STK17B: variants seen among roughly 807,000 people sequenced by gnomAD.
The protein encoded by STK17B is serine/threonine kinase 17b.
STK17B carries 21 observed loss-of-function variants against 42.0 expected under a neutral mutation model. The ratio of observed to expected loss-of-function variants is 0.50; its 90% CI spans 0.35 to 0.72. The LOEUF is 0.72. STK17B is among the 30% of genes least tolerant of loss of function. The pLI, the probability that STK17B is intolerant of heterozygous loss-of-function variation, is 0.00. For missense variants in STK17B, 349 were observed against 446.0 expected, an observed-to-expected ratio of 0.78 and a Z score of 1.96; for synonymous variants, 143 against 148.4, an observed-to-expected ratio of 0.96 and a Z score of 0.26.
rs1350489872 is a variant in STK17B at position 196,133,783 on chromosome 2, C to A, written c.*3664G>T. 2.0e-5 allele frequency: 3 copies of A among 152,100 alleles called. No individual in the cohort carries two copies. The highest frequency in any genetic ancestry group is 4.4e-5 in the Non-Finnish European group (3 of 68,022). The allele number at this position is 152,100 out of a possible 1,614,324, so 9.4% of individuals were successfully genotyped here. ...TGTAGATTTTTTTTACTGGAATACT[C>A]ATAATAATGTCTGTCTATATGCCTT... On this transcript the variant is annotated 3_prime_UTR_variant, in exon 8 of 8. Transcript: ENST00000263955.
intron 5 of STK17B, among the ~76,000 whole-genome samples, chr2:196,142,369 AT>A (rs957020712): frequency 6.6e-6 from 1 of 152,044 alleles, no homozygotes; most frequent in African/African-American, 2.4e-5. Context: ...GAAATGCTAG[AT>A]TTTCCAGTGA....
chr2:196,143,480 G>A, intron 5 of STK17B, 80 bp downstream of exon 5: 3 of 1,295,370 alleles, frequency 2.3e-6, no homozygotes, highest in South Asian at 1.7e-5. Flanking sequence ...CGAATTACAT[G>A]CTCTAAAATA....
intron 3 of STK17B, chr2:196,153,668 C>G (rs953957541): frequency 6.6e-6 from 1 of 151,958 alleles, no homozygotes; most frequent in Non-Finnish European, 1.5e-5. Flanking sequence ...AACAAGATGA[C>G]CCTGGAAATT....
chr2:196,137,796 T>G lies in STK17B; in HGVS notation c.837-67A>C, dbSNP rs1010765040. ...CAAGTTGAAAATGTCTTCAGTTTGA[T>G]AGATTATAGACATATTTTTTACTTC... On this transcript the variant is annotated intron_variant, in intron 7 of 7. Transcript: ENST00000263955. 2.0e-6 allele frequency: 3 copies of G among 1,514,066 alleles called. No individual in the cohort carries two copies. In the African/African-American group the frequency reaches 4.2e-5, roughly 21 times the overall value. 93.8% of individuals were successfully genotyped at this position (1,514,066 alleles called of 1,614,324 possible). A position where few individuals can be genotyped will look rare whatever the true frequency, so the allele number is the denominator to read the frequency against.
intron 3 of STK17B, among the ~76,000 whole-genome samples, chr2:196,149,741 A>C (rs1246651834): frequency 6.6e-6 from 1 of 152,214 alleles, no homozygotes; most frequent in East Asian, 1.9e-4. Flanking sequence ...AATAAGAATA[A>C]TTTTTAAATA....
upstream of STK17B, chr2:196,174,523 T>G (rs1414375861): frequency 6.6e-6 from 1 of 152,322 alleles, no homozygotes; most frequent in Non-Finnish European, 1.5e-5. Context: ...AAACAAGCTC[T>G]ACTACCTGTC....
At chr2:196,156,919 T>A (rs1699747443) in intron 2 of STK17B, among the ~76,000 whole-genome samples, 1 of 152,106 alleles carries the variant, frequency 6.6e-6, no homozygotes, top group African/African-American at 2.4e-5. Context: ...TGATACATTA[T>A]CTTGGGAGGC....
At chr2:196,155,564 A>T (rs1468873288) in intron 3 of STK17B, among the ~76,000 whole-genome samples, 1 of 151,974 alleles carries the variant, frequency 6.6e-6, no homozygotes, top group African/African-American at 2.4e-5. Context: ...TTAGCAATAC[A>T]TTTTTTACTA....
chr2:196,137,663 CAAGTTTTCA>C lies in STK17B; in HGVS notation c.894_902del (p.Phe298_Asn300del). The C allele has an allele frequency of 6.2e-7, 1 of 1,614,074 alleles. No homozygotes were observed. Among genetic ancestry groups the C allele is most frequent in the Non-Finnish European group, 8.5e-7 (1 of 1,179,980 alleles). On this transcript the variant is annotated inframe_deletion, in exon 8 of 8. Transcript: ENST00000263955. ...AACTGGAAGTTTCTTCAGGGTGAAA[CAAGTTTTCA>C]AAGTCCCACTGCTGTAGCCAAGAAT...
At chr2:196,159,477 AT>A (rs1279839937) in intron 2 of STK17B, among the ~76,000 whole-genome samples, 1 of 151,844 alleles carries the variant, frequency 6.6e-6, no homozygotes, top group Non-Finnish European at 1.5e-5. Context: ...CTCCTGGCTA[AT>A]TTTTTACATA....
At chr2:196,155,806 C>A (rs1255543432) in intron 3 of STK17B, among the ~76,000 whole-genome samples, 1 of 152,186 alleles carries the variant, frequency 6.6e-6, no homozygotes, top group East Asian at 1.9e-4. Flanking sequence ...CCTTAACAAT[C>A]CTCTACCCCT....
At chr2:196,141,352 A>G in intron 5 of STK17B, 55 bp from the exon 6 acceptor site, 2 of 1,379,434 alleles carry the variant, frequency 1.4e-6, no homozygotes, top group Non-Finnish European at 2.0e-6. Context: ...AAACAAGAAA[A>G]TCACTTTATA....
intron 3 of STK17B, chr2:196,154,875 C>T (rs1428603208): frequency 6.6e-6 from 1 of 152,178 alleles, no homozygotes; most frequent in Non-Finnish European, 1.5e-5. Context: ...AAATGTAATA[C>T]ATTAATCTAC....
At chr2:196,175,959 C>A (rs917232482), upstream of STK17B, among the ~76,000 whole-genome samples, 1 of 152,272 alleles carries the variant, frequency 6.6e-6, no homozygotes, top group Admixed American at 6.5e-5. Context: ...CACCTAAATT[C>A]GGTGGTACAT....
Position 196,135,978 on chromosome 2 carries a change from G to T in STK17B, c.*1469C>A, listed in dbSNP as rs1699398287. 6.6e-6 allele frequency: 1 copy of T among 151,928 alleles called. No homozygotes were observed. Among genetic ancestry groups the T allele is most frequent in the South Asian group, 2.1e-4 (1 of 4,820 alleles). The allele number at this position is 151,928 out of a possible 1,614,324, so 9.4% of individuals were successfully genotyped here. On this transcript the variant is annotated 3_prime_UTR_variant, in exon 8 of 8. Coordinates refer to ENST00000263955, the MANE Select transcript of STK17B (RefSeq NM_004226.4). ...CTTAACAAATGCTGAAGACATTAAAGGAATTCACCATGTGGTCAAATAAAG... is the reference window on the plus strand; with the variant it reads ...CTTAACAAATGCTGAAGACATTAAATGAATTCACCATGTGGTCAAATAAAG...
chr2:196,163,537 T>A, intron 1 of STK17B, 110 bp from the exon 2 acceptor site: 1 of 813,560 alleles, frequency 1.2e-6, no homozygotes, highest in Non-Finnish European at 1.7e-6. Flanking sequence ...AAAAAAAGAT[T>A]TAAAGAGCAC....
intron 6 of STK17B, among the ~76,000 whole-genome samples, chr2:196,140,329 T>A (rs1218318595): frequency 6.6e-6 from 1 of 152,248 alleles, no homozygotes; most frequent in African/African-American, 2.4e-5. Context: ...ACCATCTTTT[T>A]TCCTGGGCAA....
At chr2:196,171,778 C>T (rs1231404035), upstream of STK17B, among the ~76,000 whole-genome samples, 10 of 140,766 alleles carry the variant, frequency 7.1e-5, no homozygotes, top group Middle Eastern at 3.6e-3. Context: ...GGCGGGGAGG[C>T]GCGGCGGCGT....
chr2:196,170,427 T>A (rs1042866232), intron 1 of STK17B, among the ~76,000 whole-genome samples: 1 of 152,206 alleles, frequency 6.6e-6, no homozygotes, highest in African/African-American at 2.4e-5. Context: ...TGTTTAAATA[T>A]TAGTGAAATC....
Sources: gnomAD v4.1 joint callset for allele counts (sites outside exome capture counted in the v4.1 genomes callset) on GRCh38, gnomAD v4.1.1 for gene constraint, MANE v1.5 for transcripts, NCBI Gene and HGNC (gene_info 2026-07-23, HGNC 2026-07-21) for gene names.